Variants in PRRG4 observed in about 807,000 individuals in gnomAD.
The protein encoded by PRRG4 is proline rich and Gla domain 4, also known as transmembrane gamma-carboxyglutamic acid protein 4.
PRRG4 carries 12 observed loss-of-function variants against 20.0 expected under a neutral mutation model. That is an observed-to-expected ratio of 0.60 (90% CI 0.38 to 0.97). PRRG4 has a LOEUF of 0.97. Ranked by LOEUF, PRRG4 falls within the 50% of genes least tolerant of loss-of-function variation. The pLI is 0.00. For missense variants in PRRG4, 199 were observed against 265.1 expected (o/e 0.75, Z 1.73); for synonymous variants, 94 against 96.4 (o/e 0.98, Z 0.15).
At chr11:32,835,114 C>T (rs80051144) in intron 2 of PRRG4, among the ~76,000 whole-genome samples, 20,181 of 152,264 alleles carry the variant, frequency 0.13, 1,781 homozygotes, top group Non-Finnish European at 0.2. Context: ...CCACAAGCTA[C>T]ATTTCAAGTG....
chr11:32,844,523 C>T (rs7109323), intron 5 of PRRG4, among the ~76,000 whole-genome samples: 132,969 of 149,786 alleles, frequency 0.89, 59,220 homozygotes, highest in East Asian at 0.99. Flanking sequence ...TATTTTGAGA[C>T]GGAGTCTAGC....
intron 5 of PRRG4, among the ~76,000 whole-genome samples, chr11:32,845,161 C>T (rs558133990): frequency 1.3e-5 from 2 of 152,262 alleles, no homozygotes; most frequent in South Asian, 2.1e-4. Context: ...TTCCACATCA[C>T]CTGCTGTTGC....
chr11:32,853,854 G>T lies in PRRG4; in HGVS notation c.*327G>T. ...AAAATAAAATAAAAAAAGAAAGAAA[G>T]AAAAGAAGAAGAAAAGAGAAGAAGG... On this transcript the variant is annotated 3_prime_UTR_variant, in exon 6 of 6. Transcript: ENST00000257836. 6.0e-6 allele frequency: 1 copy of T among 167,328 alleles called. No individual in the cohort carries two copies. Among genetic ancestry groups the T allele is most frequent in the Admixed American group, 6.1e-5 (1 of 16,280 alleles). The allele number at this position is 167,328 out of a possible 1,614,324, so 10.4% of individuals were successfully genotyped here. A position where few individuals can be genotyped will look rare whatever the true frequency, so the allele number is the denominator to read the frequency against.
Position 32,838,854 on chromosome 11 carries a change from A to G in PRRG4, c.268-28A>G, listed in dbSNP as rs774933724. The G allele has an allele frequency of 2.6e-6, 4 of 1,552,806 alleles. No homozygotes were observed. In the East Asian group the frequency reaches 9.0e-5, roughly 35 times the overall value. On this transcript the variant is annotated intron_variant, in intron 3 of 5. Coordinates refer to ENST00000257836, the MANE Select transcript of PRRG4 (RefSeq NM_024081.6). Reference sequence around the variant, plus strand: ...AAATGTGATAATAAAGATATTGAATAAACTTGGGAATTTTACCTTTTTTTT... The same window carrying G: ...AAATGTGATAATAAAGATATTGAATGAACTTGGGAATTTTACCTTTTTTTT...
intron 2 of PRRG4, among the ~76,000 whole-genome samples, chr11:32,833,043 G>C (rs916021517): frequency 6.6e-6 from 1 of 152,168 alleles, no homozygotes; most frequent in Non-Finnish European, 1.5e-5. Context: ...TAAAAGCCAA[G>C]GGTGTTTCAA....
chr11:32,836,199 A>G (rs940664907), intron 2 of PRRG4, among the ~76,000 whole-genome samples: 4 of 152,184 alleles, frequency 2.6e-5, no homozygotes, highest in African/African-American at 9.6e-5. Flanking sequence ...CCCAAAGAAT[A>G]TAAGTGACTT....
intron 5 of PRRG4, 104 bp from the exon 6 acceptor site, chr11:32,853,192 T>C (rs1481742334): frequency 3.9e-6 from 3 of 771,134 alleles, no homozygotes; most frequent in Non-Finnish European, 6.6e-6. Context: ...TATTAATACA[T>C]TGTGTTTAAT....
chr11:32,837,522 TGA>T lies in PRRG4; in HGVS notation c.267+702_267+703del, dbSNP rs1565113744. On this transcript the variant is annotated intron_variant, in intron 3 of 5. Transcript: ENST00000257836. ...TAACTAACTGAGATGATGATGATGA[TGA>T]TGATGATGATGATGATGATTATTAT... 9.3e-3 allele frequency among the ~76,000 whole-genome samples: 1,012 copies of T among 108,518 alleles called. 9 individuals are homozygous for T. The highest frequency in any genetic ancestry group is 0.035 in the African/African-American group (965 of 27,602). The allele number at this position is 108,518 out of a possible 152,430, so 71.2% of individuals were successfully genotyped here.
chr11:32,836,552 A>G, intron 2 of PRRG4, 106 bp from the exon 3 acceptor site: 1 of 531,894 alleles, frequency 1.9e-6, no homozygotes, highest in Non-Finnish European at 3.1e-6. Context: ...AAAGTTTGGT[A>G]TAATTTAGCC....
chr11:32,841,539 C>T (rs754839863), intron 5 of PRRG4, among the ~76,000 whole-genome samples: 1 of 152,082 alleles, frequency 6.6e-6, no homozygotes, highest in Non-Finnish European at 1.5e-5. Flanking sequence ...TGGCTCACAC[C>T]TATAATCCCA....
intron 5 of PRRG4, among the ~76,000 whole-genome samples, chr11:32,849,522 G>C (rs1418710642): frequency 6.6e-6 from 1 of 151,742 alleles, no homozygotes; most frequent in Non-Finnish European, 1.5e-5. Flanking sequence ...AAATTAGCCA[G>C]GCGTGGTGGT....
chr11:32,844,088 C>G (rs1305803508), intron 5 of PRRG4, among the ~76,000 whole-genome samples: 1 of 152,216 alleles, frequency 6.6e-6, no homozygotes, highest in African/African-American at 2.4e-5. Flanking sequence ...AAGGTGTATT[C>G]TCCCTATCCT....
intron 2 of PRRG4, 148 bp downstream of exon 2, chr11:32,830,780 G>A (rs1287738575): frequency 7.9e-7 from 1 of 1,272,110 alleles, no homozygotes; most frequent in Non-Finnish European, 1.1e-6. Context: ...GCAAGGTTGT[G>A]TTTTTTTATG....
At chr11:32,849,461 G>A (rs1011274482) in intron 5 of PRRG4, among the ~76,000 whole-genome samples, 6 of 151,964 alleles carry the variant, frequency 3.9e-5, no homozygotes, top group Admixed American at 2.6e-4. Context: ...TCAGGAGTTC[G>A]AGACCAGCCT....
At position 32,840,270 on chromosome 11, in the gene PRRG4, C is replaced by A; in HGVS notation, c.449+31C>A. The stretch of plus-strand genomic sequence containing the variant: ...TACTAAGTGAAATTATTTAATTCAT[C>A]ACTAGACATTCTATATTATTATTTT... On this transcript the variant is annotated intron_variant, in intron 5 of 5. Coordinates refer to ENST00000257836, the MANE Select transcript of PRRG4 (RefSeq NM_024081.6). The surrounding 1 kb of genome is among the most constrained non-coding windows in gnomAD (Gnocchi z 4.1). The A allele has an allele frequency of 6.9e-7, 1 of 1,451,426 alleles. No homozygotes were observed. The highest frequency in any genetic ancestry group is 9.6e-7 in the Non-Finnish European group (1 of 1,042,822). 89.9% of individuals were successfully genotyped at this position (1,451,426 alleles called of 1,614,324 possible).
chr11:32,850,619 G>C (rs1256933924), intron 5 of PRRG4, among the ~76,000 whole-genome samples: 1 of 152,126 alleles, frequency 6.6e-6, no homozygotes, highest in Non-Finnish European at 1.5e-5. Context: ...ACTTACTAAA[G>C]TACTTTTCAT....
intron 5 of PRRG4, among the ~76,000 whole-genome samples, chr11:32,842,852 T>TATC (rs1459575372): frequency 1.3e-5 from 2 of 152,006 alleles, no homozygotes; most frequent in African/African-American, 4.8e-5. Context: ...GAAGAAAGTG[T>TATC]ATTATTATTA....
chr11:32,836,055 C>T (rs940721495), intron 2 of PRRG4, among the ~76,000 whole-genome samples: 39 of 152,064 alleles, frequency 2.6e-4, no homozygotes, highest in African/African-American at 9.2e-4. Flanking sequence ...TGAGCTGAGA[C>T]TGTGCCATTG....
chr11:32,833,153 AG>A (rs1850989599), intron 2 of PRRG4, among the ~76,000 whole-genome samples: 1 of 152,192 alleles, frequency 6.6e-6, no homozygotes, highest in African/African-American at 2.4e-5. Flanking sequence ...TAAGGGATGC[AG>A]GGAAAAATTT....
Sources: gnomAD v4.1 joint callset for allele counts (sites outside exome capture counted in the v4.1 genomes callset) on GRCh38, gnomAD v4.1.1 for gene constraint, Gnocchi (gnomAD v3.1) non-coding constraint, MANE v1.5 for transcripts, NCBI Gene and HGNC (gene_info 2026-07-23, HGNC 2026-07-21) for gene names.